FSIP2: variants seen among roughly 807,000 people sequenced by gnomAD.
FSIP2 encodes the protein fibrous sheath-interacting protein 2.
In FSIP2, 367 loss-of-function variants were observed where a neutral mutation model predicts 510.5. The observed-to-expected ratio is 0.72, with a 90% CI of 0.66 to 0.78. FSIP2 has a LOEUF of 0.78. Among genes scored for constraint, FSIP2 ranks in the 30% least tolerant of loss-of-function variants. The pLI is 0.00. For synonymous variants in FSIP2, 2,601 were observed against 2,732.2 expected (o/e 0.95, Z 1.50); for missense variants, 7,594 against 7,901.7 (o/e 0.96, Z 1.48).
chr2:185,737,942 T>C (rs1277017988), upstream of FSIP2, among the ~76,000 whole-genome samples: 1 of 152,120 alleles, frequency 6.6e-6, no homozygotes, highest in Non-Finnish European at 1.5e-5. Flanking sequence ...TAATTATTGA[T>C]AAGGCTACTA....
chr2:185,739,112 G>A, intron 1 of FSIP2, 119 bp downstream of exon 1: 1 of 1,327,832 alleles, frequency 7.5e-7, no homozygotes, highest in Non-Finnish European at 1.0e-6. Flanking sequence ...TCAGGAGGCT[G>A]CCCTCTTGCG....
chr2:185,806,250 A>T lies in FSIP2; in HGVS notation c.16944A>T (p.Arg5648Ser). ...LGTTTDTLEIRIRTSSNEGRR... is the reference protein window; with the variant it reads ...LGTTTDTLEISIRTSSNEGRR... ...CTACAACAGATACTTTGGAAATAAG[A>T]ATTCGAACATCAAGCAATGAGGGGA... The change falls in exon 17 of 23, where the codon AGA (arginine) becomes AGT (serine). Residue 5648 changes from arginine (R) to serine (S), a missense_variant. Physicochemically the swap from Arg to Ser is moderately radical, Grantham distance 110. Transcript: ENST00000424728. 6.2e-7 allele frequency: 1 copy of T among 1,610,246 alleles called. No homozygotes were observed. The highest frequency in any genetic ancestry group is 1.3e-5 in the African/African-American group (1 of 74,840).
rs1310069153 is a variant in FSIP2, at chr2:185,788,633, T to C, written c.1507-10T>C. The C allele has an allele frequency of 6.8e-7, 1 of 1,475,150 alleles. No homozygotes were observed. Among genetic ancestry groups the C allele is most frequent in the Non-Finnish European group, 8.9e-7 (1 of 1,119,760 alleles). The allele number at this position is 1,475,150 out of a possible 1,614,324, so 91.4% of individuals were successfully genotyped here. A position where few individuals can be genotyped will look rare whatever the true frequency, so the allele number is the denominator to read the frequency against. On this transcript the variant is annotated splice_polypyrimidine_tract_variant and intron_variant, in intron 15 of 22. Transcript: ENST00000424728. Reference sequence around the variant, plus strand: ...GACTTTATTTTCATCTCTGCTTACCTCCTTTCCAGGTAACTTCTGAAGAAC... The same window carrying C: ...GACTTTATTTTCATCTCTGCTTACCCCCTTTCCAGGTAACTTCTGAAGAAC...
chr2:185,768,036 C>A (rs1692530577), intron 13 of FSIP2, among the ~76,000 whole-genome samples: 1 of 151,966 alleles, frequency 6.6e-6, no homozygotes, highest in South Asian at 2.1e-4. Flanking sequence ...TACTTGTTGT[C>A]TTTTACTTTT....
intron 13 of FSIP2, among the ~76,000 whole-genome samples, chr2:185,776,288 G>A (rs908787969): frequency 2.0e-5 from 3 of 151,770 alleles, no homozygotes; most frequent in South Asian, 2.1e-4. Flanking sequence ...AATAAAATGA[G>A]AAAAATTAAA....
In FSIP2 at chr2:185,783,830, T is replaced by TA. The variant is rs541021776; in HGVS notation, c.1469+1069dup. 9 of 152,320 alleles carry TA rather than the reference T, an allele frequency of 5.9e-5. No individual in the cohort carries two copies. In the South Asian group the frequency reaches 1.9e-3, roughly 32 times the overall value. 9.4% of individuals were successfully genotyped at this position (152,320 alleles called of 1,614,324 possible). A position where few individuals can be genotyped will look rare whatever the true frequency, so the allele number is the denominator to read the frequency against. ...ATATAGTTGTAATAACTGCATTTTT[T>TA]ATCTTCTCCTACCCAAGAATGTAGA... is the stretch of plus-strand genomic sequence containing the variant. On this transcript the variant is annotated intron_variant, in intron 14 of 22. Coordinates refer to ENST00000424728, the MANE Select transcript of FSIP2 (RefSeq NM_173651.4).
chr2:185,805,682 T>C lies in FSIP2; in HGVS notation c.16376T>C (p.Met5459Thr). 1.2e-6 allele frequency: 2 copies of C among 1,610,800 alleles called. No individual in the cohort carries two copies. Among genetic ancestry groups the C allele is most frequent in the Non-Finnish European group, 1.7e-6 (2 of 1,178,490 alleles). ...TCCACCCCAGATTGCAAAAACATGATGAGCACTTTGGAAATAAATAGAGGT... is the reference window on the plus strand; with the variant it reads ...TCCACCCCAGATTGCAAAAACATGACGAGCACTTTGGAAATAAATAGAGGT... Reference protein sequence around the residue: ...TSSTPDCKNMMSTLEINRGTM... With the variant: ...TSSTPDCKNMTSTLEINRGTM... Residue 5459 changes from methionine (M) to threonine (T), a missense_variant, in exon 17 of 23, where the codon ATG (methionine) becomes ACG (threonine). Transcript: ENST00000424728.
At chr2:185,744,033 T>G (rs1691977457) in intron 3 of FSIP2, among the ~76,000 whole-genome samples, 1 of 151,900 alleles carries the variant, frequency 6.6e-6, no homozygotes, top group Non-Finnish European at 1.5e-5. Context: ...TCTTGCTATG[T>G]TGCCCAGGCT....
intron 9 of FSIP2, among the ~76,000 whole-genome samples, chr2:185,757,953 TCCTCCAACTAATAATCCCAGATTA>T (rs1692274187): frequency 2.6e-5 from 4 of 151,200 alleles, no homozygotes; most frequent in Middle Eastern, 3.4e-3. Flanking sequence ...ACACCCTCCT[TCCTCCAACTAATAATCCCAGATTA>T]CCTCTGGGAT....
chr2:185,786,283 G>A lies in FSIP2; in HGVS notation c.1501G>A (p.Glu501Lys), dbSNP rs1229202185. Residue 501 changes from glutamate (E) to lysine (K), a missense_variant, in exon 15 of 23, where the codon GAA becomes AAA. Glu to Lys is a moderately conservative substitution (Grantham distance 56). Transcript: ENST00000424728. ...QQNLLQNCLQEKVTSEELNII... is the reference protein window; with the variant it reads ...QQNLLQNCLQKKVTSEELNII... Reference sequence around the variant, plus strand: ...GAACTTGCTGCAAAATTGCTTGCAAGAAAAAGTATGTATCATAAAATCCAC... The same window carrying A: ...GAACTTGCTGCAAAATTGCTTGCAAAAAAAAGTATGTATCATAAAATCCAC... 6.6e-7 allele frequency: 1 copy of A among 1,522,016 alleles called. No individual in the cohort carries two copies. The highest frequency in any genetic ancestry group is 2.0e-5 in the Admixed American group (1 of 50,460). 94.3% of individuals were successfully genotyped at this position (1,522,016 alleles called of 1,614,324 possible).
At chr2:185,766,372 G>C (rs1426707048) in intron 13 of FSIP2, 2 of 149,030 alleles carry the variant, frequency 1.3e-5, no homozygotes, top group Non-Finnish European at 1.5e-5. Context: ...CCATCAGAGT[G>C]AACAGGCAAC....
In FSIP2 at chr2:185,804,758, T is replaced by C. The variant is rs1451538109; in HGVS notation, c.15452T>C (p.Val5151Ala). The change falls in exon 17 of 23, where the codon GTG becomes GCG. Residue 5151 changes from valine (V) to alanine (A), a missense_variant. Val to Ala is a moderately conservative substitution (Grantham distance 64, BLOSUM62 0). Transcript: ENST00000424728. Reference protein sequence around the residue: ...EKKFPPDDEFVEAASKLTDEI... With the variant: ...EKKFPPDDEFAEAASKLTDEI... ...AAGTTTCCACCGGATGATGAATTTG[T>C]GGAGGCAGCTTCAAAATTGACTGAT... 14 of 1,530,918 alleles carry C rather than the reference T, an allele frequency of 9.1e-6. No homozygotes were observed. The highest frequency in any genetic ancestry group is 1.0e-5 in the Non-Finnish European group (12 of 1,144,508). 94.8% of individuals were successfully genotyped at this position (1,530,918 alleles called of 1,614,324 possible). A position where few individuals can be genotyped will look rare whatever the true frequency, so the allele number is the denominator to read the frequency against.
Position 185,792,545 on chromosome 2 carries a change from C to A in FSIP2, c.5409C>A (p.Ser1803=). 1 of 1,530,944 alleles carries A rather than the reference C, an allele frequency of 6.5e-7. No homozygotes were observed. Among genetic ancestry groups the A allele is most frequent in the Non-Finnish European group, 8.7e-7 (1 of 1,142,980 alleles). 94.8% of individuals were successfully genotyped at this position (1,530,944 alleles called of 1,614,324 possible). Residue 1803 remains serine, a synonymous_variant, in exon 16 of 23, where the codon TCC becomes TCA. Coordinates refer to ENST00000424728, the MANE Select transcript of FSIP2 (RefSeq NM_173651.4). ...LINQLNVLSL[S]HSNFNGMPHN... is the part of the protein sequence containing the mutation. Reference sequence around the variant, plus strand: ...ATCAATTAAATGTCCTTTCTCTCTCCCACTCTAATTTTAATGGCATGCCTC... The same window carrying A: ...ATCAATTAAATGTCCTTTCTCTCTCACACTCTAATTTTAATGGCATGCCTC...
At chr2:185,782,786 T>A (rs1416717233) in intron 14 of FSIP2, 24 bp downstream of exon 14, 8 of 1,154,160 alleles carry the variant, frequency 6.9e-6, no homozygotes, top group Non-Finnish European at 1.0e-5. Context: ...GAATTATATA[T>A]AATCATAACT....
Position 185,793,122 on chromosome 2 carries a change from T to C in FSIP2, c.5986T>C (p.Leu1996=). The part of the protein sequence containing the change: ...SGKTNLCQLS[L]SKLNTYALQV... The stretch of plus-strand genomic sequence containing the variant: ...AAAGACCAACTTGTGCCAACTGTCT[T>C]TGTCTAAATTAAATACTTATGCACT... Residue 1996 remains leucine, a synonymous_variant, in exon 16 of 23, where the codon TTG becomes CTG. Transcript: ENST00000424728. 5 of 1,534,386 alleles carry C rather than the reference T, an allele frequency of 3.3e-6. No individual in the cohort carries two copies. Among genetic ancestry groups the C allele is most frequent in the Non-Finnish European group, 4.4e-6 (5 of 1,145,700 alleles).
In FSIP2 at chr2:185,808,945, A is replaced by G; in HGVS notation, c.19639A>G (p.Lys6547Glu). Residue 6547 changes from lysine to glutamate, a missense_variant, in exon 17 of 23, where the codon AAA becomes GAA. Coordinates refer to ENST00000424728, the MANE Select transcript of FSIP2 (RefSeq NM_173651.4). The part of the protein sequence containing the change: ...ISEHLAVISI[K>E]TQPLEKLKQE... ...AGAACACTTAGCAGTTATTTCTATA[A>G]AAACTCAACCTCTTGAGAAACTTAA... 6.2e-7 allele frequency: 1 copy of G among 1,608,392 alleles called. No homozygotes were observed. Among genetic ancestry groups the G allele is most frequent in the Non-Finnish European group, 8.5e-7 (1 of 1,178,462 alleles).
At chr2:185,829,814 G>A (rs937969398) in intron 21 of FSIP2, among the ~76,000 whole-genome samples, 1 of 151,896 alleles carries the variant, frequency 6.6e-6, no homozygotes, top group African/African-American at 2.4e-5. Context: ...CACACACAGA[G>A]GCTAAAGCCA....
intron 19 of FSIP2, among the ~76,000 whole-genome samples, chr2:185,817,563 G>T (rs58148758): frequency 6.6e-6 from 1 of 151,676 alleles, no homozygotes; most frequent in African/African-American, 2.4e-5. Context: ...TCTTCACTTC[G>T]GACTGTTTCC....
At chr2:185,760,944 A>T (rs1373164989) in intron 9 of FSIP2, 44 bp from the exon 10 acceptor site, 4 of 93,770 alleles carry the variant, frequency 4.3e-5, no homozygotes, top group East Asian at 2.1e-4. Context: ...TAAAGCTGTT[A>T]AAAAAAAAAA....
Sources: gnomAD v4.1 joint callset for allele counts (sites outside exome capture counted in the v4.1 genomes callset) on GRCh38, gnomAD v4.1.1 for gene constraint, MANE v1.5 for transcripts, NCBI Gene and HGNC (gene_info 2026-07-23, HGNC 2026-07-21) for gene names.